KLHL6: variants seen among roughly 807,000 people sequenced by gnomAD.
The protein encoded by KLHL6 is kelch-like protein 6.
KLHL6 carries 41 observed loss-of-function variants against 58.6 expected under a neutral mutation model. The observed-to-expected ratio is 0.70, with a 90% CI of 0.55 to 0.91. The LOEUF (loss-of-function observed/expected upper bound fraction) is 0.91, where lower values mean the gene tolerates loss of function less well. Among genes scored for constraint, KLHL6 ranks in the 40% least tolerant of loss-of-function variants. The pLI, the probability that KLHL6 is intolerant of heterozygous loss-of-function variation, is 0.00. For synonymous variants in KLHL6, 338 were observed against 322.7 expected (o/e 1.05, Z -0.51); for missense variants, 714 against 805.6 (o/e 0.89, Z 1.38).
chr3:183,499,870 G>A lies in KLHL6; in HGVS notation c.910-43C>T. The A allele has an allele frequency of 4.1e-6, 6 of 1,469,150 alleles. No individual in the cohort carries two copies. Among genetic ancestry groups the A allele is most frequent in the Non-Finnish European group, 5.5e-6 (6 of 1,086,390 alleles). 91.0% of individuals were successfully genotyped at this position (1,469,150 alleles called of 1,614,324 possible). A position where few individuals can be genotyped will look rare whatever the true frequency, so the allele number is the denominator to read the frequency against. On this transcript the variant is annotated intron_variant, in intron 3 of 6. Transcript: ENST00000341319. The surrounding 1 kb of genome is among the most constrained non-coding windows in gnomAD (Gnocchi z 4.6). ...TACATGAAGGCAGGGACAACACAAA[G>A]TTTCAGAGCTCGGGCTATGGAGCCA...
At chr3:183,520,851 A>G (rs1422424022) in intron 2 of KLHL6, 1 of 151,502 alleles carries the variant, frequency 6.6e-6, no homozygotes, top group Admixed American at 6.6e-5. Context: ...CAGAAGACAG[A>G]TGCCTTCCTC....
intron 1 of KLHL6, among the ~76,000 whole-genome samples, chr3:183,534,112 CTTTACTTTTAAAGTACTT>C (rs1712268795): frequency 8.0e-6 from 1 of 125,374 alleles, no homozygotes; most frequent in Non-Finnish European, 1.7e-5. Flanking sequence ...TTTAAAAGTA[CTTTACTTTTAAAGTACTT>C]TGTACTTTTA....
chr3:183,510,402 G>A (rs1718148188), intron 2 of KLHL6, among the ~76,000 whole-genome samples: 1 of 152,028 alleles, frequency 6.6e-6, no homozygotes, highest in South Asian at 2.1e-4. Flanking sequence ...GGGGAGTGGG[G>A]CTATCGAGCC....
chr3:183,515,051 T>G (rs1485472160), intron 2 of KLHL6, among the ~76,000 whole-genome samples: 2 of 152,202 alleles, frequency 1.3e-5, no homozygotes, highest in Non-Finnish European at 2.9e-5. Context: ...TACAATAGTA[T>G]GTGAACATTT....
At chr3:183,495,326 T>A (rs1412719157) in intron 4 of KLHL6, among the ~76,000 whole-genome samples, 3 of 152,194 alleles carry the variant, frequency 2.0e-5, no homozygotes, top group Non-Finnish European at 4.4e-5. Flanking sequence ...ATTTATTTAT[T>A]TTTTTGAAGT....
At chr3:183,514,817 C>T (rs976761576) in intron 2 of KLHL6, among the ~76,000 whole-genome samples, 30 of 151,896 alleles carry the variant, frequency 2.0e-4, no homozygotes, top group African/African-American at 3.9e-4. Context: ...TACAGGGGCA[C>T]GCCACCACAC....
intron 4 of KLHL6, among the ~76,000 whole-genome samples, chr3:183,496,884 TC>T (rs1324705164): frequency 6.6e-6 from 1 of 152,210 alleles, no homozygotes; most frequent in Non-Finnish European, 1.5e-5. Context: ...GCACCTGTAA[TC>T]CCAGCCCTCT....
At chr3:183,555,284 A>C in intron 1 of KLHL6, 77 bp downstream of exon 1, 1 of 1,229,602 alleles carries the variant, frequency 8.1e-7, no homozygotes, top group Non-Finnish European at 1.2e-6. Context: ...CCAACTGTTC[A>C]AGATTGGGCT....
intron 1 of KLHL6, among the ~76,000 whole-genome samples, chr3:183,534,676 A>G (rs1432589410): frequency 6.6e-6 from 1 of 152,026 alleles, no homozygotes; most frequent in African/African-American, 2.4e-5. Flanking sequence ...GTGAGGGATT[A>G]CAGGCATGAG....
At position 183,490,196 on chromosome 3, in the gene KLHL6, A is replaced by C. The variant is rs949329153; in HGVS notation, c.*1731T>G. 26 of 152,134 alleles carry C rather than the reference A, an allele frequency of 1.7e-4. No homozygotes were observed. The highest frequency in any genetic ancestry group is 2.6e-4 in the Admixed American group (4 of 15,270). 9.4% of individuals were successfully genotyped at this position (152,134 alleles called of 1,614,324 possible). On this transcript the variant is annotated 3_prime_UTR_variant, in exon 7 of 7. Transcript: ENST00000341319. The stretch of plus-strand genomic sequence containing the variant: ...CACAATTGAGCTACACTGATCAAAA[A>C]ACCAAGTAGAAGTGCTTTTTAAAAG...
At chr3:183,529,562 G>A (rs1007171158) in intron 1 of KLHL6, among the ~76,000 whole-genome samples, 2 of 152,112 alleles carry the variant, frequency 1.3e-5, no homozygotes, top group African/African-American at 2.4e-5. Flanking sequence ...GGGGGACCGG[G>A]GGTGGGGGCT....
In KLHL6 at chr3:183,490,511, T is replaced by TC. The variant is rs1270143467; in HGVS notation, c.*1415_*1416insG. 2 of 137,326 alleles carry TC rather than the reference T, an allele frequency of 1.5e-5. No homozygotes were observed. Among genetic ancestry groups the TC allele is most frequent in the African/African-American group, 6.0e-5 (2 of 33,072 alleles). The allele number at this position is 137,326 out of a possible 1,614,324, so 8.5% of individuals were successfully genotyped here. A position where few individuals can be genotyped will look rare whatever the true frequency, so the allele number is the denominator to read the frequency against. On this transcript the variant is annotated 3_prime_UTR_variant, in exon 7 of 7. Coordinates refer to ENST00000341319, the MANE Select transcript of KLHL6 (RefSeq NM_130446.4). ...TCCAAAATGGGCCATCTTATGATCA[T>TC]TTAAAAAAAAAAAGACCGGGCCCAG... is the stretch of plus-strand genomic sequence containing the variant.
At chr3:183,554,878 T>A (rs1713052622) in intron 1 of KLHL6, among the ~76,000 whole-genome samples, 1 of 152,198 alleles carries the variant, frequency 6.6e-6, no homozygotes, top group African/African-American at 2.4e-5. Context: ...ATTTAAAGTG[T>A]GATAAGCCGG....
chr3:183,550,858 C>T (rs1335599904), intron 1 of KLHL6, among the ~76,000 whole-genome samples: 12 of 151,978 alleles, frequency 7.9e-5, no homozygotes, highest in Admixed American at 2.0e-4. Context: ...CAGTGGCTCA[C>T]GCCTGTAATC....
chr3:183,502,188 G>C (rs924506455), intron 3 of KLHL6, among the ~76,000 whole-genome samples: 11 of 152,180 alleles, frequency 7.2e-5, no homozygotes, highest in Non-Finnish European at 1.6e-4. Flanking sequence ...TGTAATCCTA[G>C]CTACTCGGGA....
rs755429174 is a variant in KLHL6 at position 183,555,455 on chromosome 3, T to C, written c.199A>G (p.Met67Val). The stretch of plus-strand genomic sequence containing the variant: ...ATGACATCTGTCAGAGCGTTTTCCA[T>C]TCGCAGGGTTTCCAGGCCATTCTGA... The part of the protein sequence containing the change: ...ILQNGLETLR[M>V]ENALTDVILC... Residue 67 changes from methionine (M) to valine (V), a missense_variant, in exon 1 of 7, where the codon ATG becomes GTG. By Grantham distance (21) the Met-to-Val change is conservative. Transcript: ENST00000341319. 1 of 1,614,162 alleles carries C rather than the reference T, an allele frequency of 6.2e-7. No individual in the cohort carries two copies. Among genetic ancestry groups the C allele is most frequent in the African/African-American group, 1.3e-5 (1 of 75,034 alleles).
intron 1 of KLHL6, 135 bp from the exon 2 acceptor site, chr3:183,528,145 T>C: frequency 1.1e-6 from 1 of 889,358 alleles, no homozygotes; most frequent in Non-Finnish European, 1.8e-6. Flanking sequence ...GGTGGCTCTC[T>C]GTTCTCCAGC....
intron 2 of KLHL6, among the ~76,000 whole-genome samples, chr3:183,526,494 C>G (rs1353359736): frequency 1.3e-5 from 2 of 152,144 alleles, no homozygotes. Flanking sequence ...TGGAAGCCCA[C>G]AGCAATCTTC....
intron 2 of KLHL6, among the ~76,000 whole-genome samples, chr3:183,526,562 G>T (rs1168642131): frequency 6.6e-6 from 1 of 152,128 alleles, no homozygotes; most frequent in Non-Finnish European, 1.5e-5. Flanking sequence ...GCTTCAGAAA[G>T]AAACTTGCTA....
Sources: gnomAD v4.1 joint callset for allele counts (sites outside exome capture counted in the v4.1 genomes callset) on GRCh38, gnomAD v4.1.1 for gene constraint, Gnocchi (gnomAD v3.1) non-coding constraint, MANE v1.5 for transcripts, NCBI Gene and HGNC (gene_info 2026-07-23, HGNC 2026-07-21) for gene names.